COBL: variants seen among roughly 807,000 people sequenced by gnomAD.
The protein encoded by COBL is protein cordon-bleu.
A neutral mutation model predicts 98.8 loss-of-function variants in COBL; 51 were observed. The observed-to-expected ratio is 0.52, with a 90% CI of 0.41 to 0.65. COBL has a LOEUF of 0.65. COBL is among the 30% of genes least tolerant of loss of function. COBL has a pLI of 0.00. For synonymous variants in COBL, 634 were observed against 651.7 expected (o/e 0.97, Z 0.41); for missense variants, 1,617 against 1,617.5 (o/e 1.00, Z 0.01).
intron 1 of COBL, among the ~76,000 whole-genome samples, chr7:51,258,999 C>A (rs1797452753): frequency 6.6e-6 from 1 of 152,074 alleles, no homozygotes; most frequent in Admixed American, 6.6e-5. Flanking sequence ...AATAGTAACC[C>A]AATCTCGGCC....
At chr7:51,208,354 C>T (rs564655308) in intron 2 of COBL, among the ~76,000 whole-genome samples, 5 of 151,440 alleles carry the variant, frequency 3.3e-5, no homozygotes, top group Non-Finnish European at 7.4e-5. Flanking sequence ...GTCAGCCCCC[C>T]GCCAGGCCAG....
At chr7:51,217,860 A>C (rs538330762) in intron 2 of COBL, among the ~76,000 whole-genome samples, 2 of 152,348 alleles carry the variant, frequency 1.3e-5, no homozygotes, top group Admixed American at 1.3e-4. Context: ...AACTCACAGA[A>C]ACTCCTGTCT....
intron 1 of COBL, among the ~76,000 whole-genome samples, chr7:51,250,085 C>T (rs1796599297): frequency 6.6e-6 from 1 of 151,706 alleles, no homozygotes; most frequent in Non-Finnish European, 1.5e-5. Flanking sequence ...CTGGGCAACA[C>T]AGTGAGACTC....
chr7:51,042,136 C>A (rs1360555764), intron 8 of COBL, among the ~76,000 whole-genome samples: 1 of 152,054 alleles, frequency 6.6e-6, no homozygotes, highest in Non-Finnish European at 1.5e-5. Context: ...TTCAGACTAT[C>A]TTTAGTCTTT....
At chr7:51,149,858 C>T (rs1785394175) in intron 5 of COBL, among the ~76,000 whole-genome samples, 1 of 152,184 alleles carries the variant, frequency 6.6e-6, no homozygotes, top group Non-Finnish European at 1.5e-5. Context: ...CTCCTGACCT[C>T]AGGTGATCCG....
intron 5 of COBL, among the ~76,000 whole-genome samples, chr7:51,169,729 T>C (rs1398512719): frequency 6.6e-6 from 1 of 152,160 alleles, no homozygotes. Context: ...GGATGGTTAA[T>C]GGGTACAAAA....
intron 1 of COBL, among the ~76,000 whole-genome samples, chr7:51,309,722 C>T (rs988036172): frequency 1.3e-5 from 2 of 152,176 alleles, no homozygotes; most frequent in African/African-American, 4.8e-5. Context: ...CCTCCACCAG[C>T]AAGAAGGAAG....
chr7:51,097,392 G>A (rs1474882034), intron 6 of COBL, among the ~76,000 whole-genome samples: 1 of 152,180 alleles, frequency 6.6e-6, no homozygotes, highest in African/African-American at 2.4e-5. Flanking sequence ...CGAGGAAGAA[G>A]GAAAGAATAC....
intron 8 of COBL, among the ~76,000 whole-genome samples, chr7:51,041,143 G>T (rs1588299448): frequency 6.6e-6 from 1 of 152,220 alleles, no homozygotes. Flanking sequence ...TGCATCTTGT[G>T]TGGGGTAGGC....
chr7:51,235,733 T>C (rs1795196429), intron 1 of COBL, among the ~76,000 whole-genome samples: 1 of 152,146 alleles, frequency 6.6e-6, no homozygotes, highest in Non-Finnish European at 1.5e-5. Flanking sequence ...CTGAGAGGCC[T>C]CTTTAAGATA....
At position 51,099,485 on chromosome 7, in the gene COBL, A is replaced by C. The variant is rs144688530; in HGVS notation, c.958-14181T>G. 1.0e-3 allele frequency among the ~76,000 whole-genome samples: 157 copies of C among 152,346 alleles called. 1 individual carries two copies. Among genetic ancestry groups the C allele is most frequent in the African/African-American group, 3.4e-3 (141 of 41,584 alleles). On this transcript the variant is annotated intron_variant, in intron 6 of 12. Coordinates refer to ENST00000265136, the MANE Select transcript of COBL (RefSeq NM_015198.5). Reference sequence around the variant, plus strand: ...TGAAAAGGTTATGCTAAGTGAAATAAGCCAGTCACAAAAAGACAAATAATC... The same window carrying C: ...TGAAAAGGTTATGCTAAGTGAAATACGCCAGTCACAAAAAGACAAATAATC...
intron 7 of COBL, among the ~76,000 whole-genome samples, chr7:51,060,409 G>A (rs1290054714): frequency 1.3e-5 from 2 of 152,172 alleles, no homozygotes; most frequent in African/African-American, 4.8e-5. Context: ...CCAAAGGAGT[G>A]CAGCAATGAG....
intron 2 of COBL, among the ~76,000 whole-genome samples, chr7:51,212,229 A>T (rs1464497838): frequency 6.6e-6 from 1 of 152,134 alleles, no homozygotes; most frequent in Non-Finnish European, 1.5e-5. Flanking sequence ...ACTTCAAAAA[A>T]TTTTTTTGAG....
chr7:51,188,277 C>A (rs1789742356), intron 4 of COBL, among the ~76,000 whole-genome samples: 1 of 152,236 alleles, frequency 6.6e-6, no homozygotes, highest in African/African-American at 2.4e-5. Flanking sequence ...TGTTCTCCAG[C>A]AGTGGTAGGG....
intron 5 of COBL, among the ~76,000 whole-genome samples, chr7:51,143,616 G>A (rs570153474): frequency 3.3e-5 from 5 of 152,252 alleles, no homozygotes; most frequent in East Asian, 3.9e-4. Flanking sequence ...TCTGGGTGCC[G>A]ACTGAAAGGG....
intron 2 of COBL, among the ~76,000 whole-genome samples, chr7:51,216,723 A>G (rs1200601893): frequency 6.6e-6 from 1 of 152,192 alleles, no homozygotes; most frequent in Admixed American, 6.5e-5. Flanking sequence ...GCATCCAATT[A>G]CTAATGTGTT....
chr7:51,045,443 T>C lies in COBL; in HGVS notation c.1097-1751A>G, dbSNP rs143710059. 2.0e-4 allele frequency among the ~76,000 whole-genome samples: 31 copies of C among 152,186 alleles called. No individual in the cohort carries two copies. In the East Asian group the frequency reaches 5.8e-3, roughly 29 times the overall value. ...ACACGTACGCAAAGAATGACAGTGCTGTATGGTCACACCAACTCTCGGTGT... is the reference window on the plus strand; with the variant it reads ...ACACGTACGCAAAGAATGACAGTGCCGTATGGTCACACCAACTCTCGGTGT... On this transcript the variant is annotated intron_variant, in intron 7 of 12. Transcript: ENST00000265136.
intron 5 of COBL, among the ~76,000 whole-genome samples, chr7:51,164,582 T>C (rs1292270374): frequency 6.6e-6 from 1 of 152,014 alleles, no homozygotes; most frequent in Non-Finnish European, 1.5e-5. Context: ...CTGGGGAATT[T>C]CTCAAATCTG....
At chr7:51,021,798 T>C (rs1786965329) in intron 12 of COBL, among the ~76,000 whole-genome samples, 1 of 152,202 alleles carries the variant, frequency 6.6e-6, no homozygotes, top group Non-Finnish European at 1.5e-5. Context: ...CCAGGCTTAT[T>C]AGAAAAATTG....
Sources: gnomAD v4.1 joint callset for allele counts (sites outside exome capture counted in the v4.1 genomes callset) on GRCh38, gnomAD v4.1.1 for gene constraint, MANE v1.5 for transcripts, NCBI Gene and HGNC (gene_info 2026-07-23, HGNC 2026-07-21) for gene names.